The following RFT1 variants were observed in gnomAD, a reference collection of about 807,000 sequenced individuals.
RFT1 encodes the protein RFT1 glycolipid translocator homolog, also known as man(5)GlcNAc(2)-PP-dolichol translocation protein RFT1.
A neutral mutation model predicts 62.2 loss-of-function variants in RFT1; 43 were observed. The ratio of observed to expected loss-of-function variants is 0.69; its 90% confidence interval spans 0.54 to 0.89. RFT1 has a LOEUF of 0.89. Ranked by LOEUF, RFT1 falls within the 40% of genes least tolerant of loss-of-function variation. The pLI, the probability that RFT1 is intolerant of heterozygous loss-of-function variation, is 0.00. For missense variants in RFT1, 605 were observed against 649.9 expected (o/e 0.93, Z 0.75); for synonymous variants, 262 against 264.6 (o/e 0.99, Z 0.10).
chr3:53,103,373 A>C, intron 10 of RFT1: 1 of 602,396 alleles, frequency 1.7e-6, no homozygotes, highest in Non-Finnish European at 2.1e-6. Context: ...CCAAGACCTA[A>C]CAAGTGCTGT....
intron 10 of RFT1, 45 bp downstream of exon 10, chr3:53,103,908 T>A (rs1307789074): frequency 1.9e-6 from 3 of 1,611,564 alleles, no homozygotes; most frequent in South Asian, 2.2e-5. Context: ...CTCTTCTATT[T>A]ATGTTGGGAA....
chr3:53,095,907 T>C (rs953050510), intron 11 of RFT1, among the ~76,000 whole-genome samples: 1 of 152,142 alleles, frequency 6.6e-6, no homozygotes, highest in Non-Finnish European at 1.5e-5. Context: ...CAGCCTTCAT[T>C]TGACAGTTAT....
intron 6 of RFT1, among the ~76,000 whole-genome samples, chr3:53,114,073 C>T (rs1034648839): frequency 3.9e-5 from 6 of 152,134 alleles, no homozygotes; most frequent in African/African-American, 1.4e-4. Flanking sequence ...CTCCTTTCCC[C>T]GGAACAAAGA....
At chr3:53,080,674 C>T in the RFT1 span, among the ~76,000 whole-genome samples, 2 of 152,178 alleles carry the variant, frequency 1.3e-5, no homozygotes, top group Admixed American at 6.5e-5. Context: ...AGCTAGGCAT[C>T]CCTGTCTAGT....
intron 10 of RFT1, among the ~76,000 whole-genome samples, chr3:53,101,257 C>G (rs183791940): frequency 6.6e-6 from 1 of 152,360 alleles, no homozygotes; most frequent in African/African-American, 2.4e-5. Context: ...GCCTGGCCCC[C>G]ACCCCAGCTG....
intron 11 of RFT1, among the ~76,000 whole-genome samples, chr3:53,093,612 C>T (rs991172755): frequency 6.6e-6 from 1 of 152,234 alleles, no homozygotes; most frequent in East Asian, 1.9e-4. Context: ...GAGGGGTCGT[C>T]AGAAAGCAGA....
At chr3:53,071,465 C>A in the RFT1 span, among the ~76,000 whole-genome samples, 1 of 152,172 alleles carries the variant, frequency 6.6e-6, no homozygotes, top group African/African-American at 2.4e-5. Flanking sequence ...CCACCCTCCT[C>A]GCTATGCCTG....
chr3:53,121,721 A>G lies in RFT1; in HGVS notation c.536T>C (p.Leu179Ser). The G allele has an allele frequency of 6.2e-7, 1 of 1,613,918 alleles. No homozygotes were observed. The highest frequency in any genetic ancestry group is 8.5e-7 in the Non-Finnish European group (1 of 1,179,818). Residue 179 changes from leucine to serine, a missense_variant, in exon 5 of 13, where the codon TTG becomes TCG. Leu to Ser is a moderately radical substitution (Grantham distance 145). Coordinates refer to ENST00000296292, the MANE Select transcript of RFT1 (RefSeq NM_052859.4). ...FLVLWLPHWGLYIFSLAQLFY... is the reference protein window; with the variant it reads ...FLVLWLPHWGSYIFSLAQLFY... ...TACCTGGGCCAAAGAGAAAATGTAC[A>G]ATCCCCAGTGAGGCAACCACAGCAC...
rs74623222 is a variant in RFT1, at chr3:53,127,092, C to T, written c.64-1098G>A. On this transcript the variant is annotated intron_variant, in intron 1 of 12. Transcript: ENST00000296292. ...TGGAGTCAAAGGTGGTCTTTTGAGT[C>T]TGATGACAGCTCTGTAGCTGCTCCT... 4.1e-3 allele frequency among the ~76,000 whole-genome samples: 625 copies of T among 152,156 alleles called. 5 individuals carry two copies. Among genetic ancestry groups the T allele is most frequent in the Admixed American group, 6.5e-3 (100 of 15,288 alleles).
At chr3:53,078,065 TAG>T in the RFT1 span, 1 of 152,130 alleles carries the variant, frequency 6.6e-6, no homozygotes, top group East Asian at 1.9e-4. Context: ...TAGGCTCTCT[TAG>T]GGGCGAGGCT....
chr3:53,113,560 C>A (rs13088281), intron 6 of RFT1, among the ~76,000 whole-genome samples: 11,829 of 152,254 alleles, frequency 0.078, 565 homozygotes, highest in East Asian at 0.12. Flanking sequence ...CCGTGAAGAG[C>A]AATGCTATCC....
Position 53,091,389 on chromosome 3 carries a change from C to T in RFT1, c.*514G>A. On this transcript the variant is annotated 3_prime_UTR_variant, in exon 13 of 13. Transcript: ENST00000296292. ...TTTTTCCTTCTCTAAAAACTCAGACCACAGTTTTGACACAAAGAAAGCCAC... is the reference window on the plus strand; with the variant it reads ...TTTTTCCTTCTCTAAAAACTCAGACTACAGTTTTGACACAAAGAAAGCCAC... The T allele has an allele frequency of 6.2e-6, 1 of 161,838 alleles. No individual in the cohort carries two copies. The highest frequency in any genetic ancestry group is 1.4e-5 in the Non-Finnish European group (1 of 73,130). The allele number at this position is 161,838 out of a possible 1,614,324, so 10.0% of individuals were successfully genotyped here. A position where few individuals can be genotyped will look rare whatever the true frequency, so the allele number is the denominator to read the frequency against.
chr3:53,123,791 G>A lies in RFT1; in HGVS notation c.199C>T (p.Arg67Cys), dbSNP rs118203913. ...TTLFLAREAF[R>C]RACLSGGTQR... ...GTGCCCCCACTGAGACATGCTCTGC[G>A]GAAGGCCTCTCTGGCCAGGAAGAGG... The change falls in exon 3 of 13, where the codon CGC becomes TGC. Residue 67 changes from arginine to cysteine, a missense_variant. Transcript: ENST00000296292. The A allele has an allele frequency of 8.5e-5, 137 of 1,614,108 alleles. No individual in the cohort carries two copies. Among genetic ancestry groups the A allele is most frequent in the Non-Finnish European group, 1.1e-4 (130 of 1,180,040 alleles).
chr3:53,095,173 G>GAA (rs1426762995), intron 11 of RFT1, among the ~76,000 whole-genome samples: 1 of 152,002 alleles, frequency 6.6e-6, no homozygotes, highest in Non-Finnish European at 1.5e-5. Context: ...GGCTGAGGCA[G>GAA]AATTGCTTGA....
At chr3:53,077,356 C>T in the RFT1 span, among the ~76,000 whole-genome samples, 173 of 152,340 alleles carry the variant, frequency 1.1e-3, no homozygotes, top group African/African-American at 4.0e-3. Context: ...TTGGACCAGG[C>T]AGCTCAAAGA....
chr3:53,070,542 C>T, the RFT1 span, among the ~76,000 whole-genome samples: 5 of 151,742 alleles, frequency 3.3e-5, no homozygotes, highest in Non-Finnish European at 7.4e-5. Flanking sequence ...GCTGGGATTA[C>T]AGGCATCCGC....
Position 53,125,928 on chromosome 3 carries a change from C to A in RFT1, c.130G>T (p.Val44Phe), listed in dbSNP as rs773567179. 2 of 1,613,662 alleles carry A rather than the reference C, an allele frequency of 1.2e-6. No individual in the cohort carries two copies. Among genetic ancestry groups the A allele is most frequent in the Non-Finnish European group, 1.7e-6 (2 of 1,179,690 alleles). Residue 44 changes from valine (V) to phenylalanine (F), a missense_variant, in exon 2 of 13, where the codon GTT becomes TTT. Val to Phe is a conservative substitution (Grantham distance 50). Transcript: ENST00000296292. Reference sequence around the variant, plus strand: ...TCCTACCTTACATTTACTACGCCAACGATTTCCTTTGACAGGAAGCGAAGA... The same window carrying A: ...TCCTACCTTACATTTACTACGCCAAAGATTTCCTTTGACAGGAAGCGAAGA... ...FILRFLSKEI[V>F]GVVNVRLTLL... is the part of the protein sequence containing the mutation.
At chr3:53,087,641 G>A (rs1700884054), downstream of RFT1, among the ~76,000 whole-genome samples, 1 of 151,974 alleles carries the variant, frequency 6.6e-6, no homozygotes, top group Admixed American at 6.6e-5. Context: ...TTGCACCTCA[G>A]CCTCCCGTAT....
chr3:53,097,931 T>C (rs1701189859), intron 11 of RFT1, among the ~76,000 whole-genome samples: 1 of 152,274 alleles, frequency 6.6e-6, no homozygotes, highest in Admixed American at 6.5e-5. Context: ...AAACCACATC[T>C]AGACTACTAT....
Sources: gnomAD v4.1 joint callset for allele counts (sites outside exome capture counted in the v4.1 genomes callset) on GRCh38, gnomAD v4.1.1 for gene constraint, MANE v1.5 for transcripts, NCBI Gene and HGNC (gene_info 2026-07-23, HGNC 2026-07-21) for gene names.